UCP3: variants seen among roughly 807,000 people sequenced by gnomAD.
UCP3 encodes uncoupling protein 3.
UCP3 carries 24 observed loss-of-function variants against 28.1 expected under a neutral mutation model. That is an observed-to-expected ratio of 0.85 (90% CI 0.62 to 1.20). UCP3 has a LOEUF of 1.20. UCP3 is among the 50% of genes most tolerant of loss of function. The pLI, the probability that UCP3 is intolerant of heterozygous loss-of-function variation, is 0.00. For synonymous variants in UCP3, 184 were observed against 171.2 expected, an observed-to-expected ratio of 1.07 and a Z score of -0.59; for missense variants, 397 against 422.2, an observed-to-expected ratio of 0.94 and a Z score of 0.52.
chr11:74,003,883 G>C lies in UCP3; in HGVS notation c.768C>G (p.Pro256=). Residue 256 remains proline, a synonymous_variant, in exon 6 of 7, where the codon CCC becomes CCG. Coordinates refer to ENST00000314032, the MANE Select transcript of UCP3 (RefSeq NM_003356.4). ...CCACCATCTTTATCATACAGTCGAG[G>C]GGGCTGAAGTACTGGCCTGGAGGTG... ...MNSPPGQYFS[P]LDCMIKMVAQ... 1 of 1,614,148 alleles carries C rather than the reference G, an allele frequency of 6.2e-7. No individual in the cohort carries two copies. Among genetic ancestry groups the C allele is most frequent in the South Asian group, 1.1e-5 (1 of 91,082 alleles).
chr11:74,005,821 G>A lies in UCP3; in HGVS notation c.450C>T (p.Leu150=), dbSNP rs745517663. 40 of 1,614,038 alleles carry A rather than the reference G, an allele frequency of 2.5e-5. No individual in the cohort carries two copies. In the Admixed American group the frequency reaches 2.8e-4, roughly 11 times the overall value. The change falls in exon 4 of 7, where the codon CTC becomes CTT. Residue 150 remains leucine, a synonymous_variant. Coordinates refer to ENST00000314032, the MANE Select transcript of UCP3 (RefSeq NM_003356.4). ...ATTTTCTGTCGCTCCTGGATGGCCC[G>A]AGGTGTATGCTGGCCTGAAATCGGA... ...VKVRFQASIH[L]GPSRSDRKYS...
At chr11:74,003,493 ACAG>A in intron 6 of UCP3, 1 of 1,032,448 alleles carries the variant, frequency 9.7e-7, no homozygotes, top group South Asian at 4.2e-5. Flanking sequence ...GCGTGTGGAG[ACAG>A]TGAGGAAGGC....
chr11:74,007,233 G>T, intron 1 of UCP3, 96 bp from the exon 2 acceptor site: 1 of 699,762 alleles, frequency 1.4e-6, no homozygotes, highest in Non-Finnish European at 2.3e-6. Flanking sequence ...AAAGGGAGAA[G>T]CCTGGGTGGT....
chr11:74,006,490 A>C, intron 2 of UCP3, 111 bp from the exon 3 acceptor site: 1 of 1,094,152 alleles, frequency 9.1e-7, no homozygotes, highest in Non-Finnish European at 1.3e-6. Context: ...GAGAACAACC[A>C]TGCTGGTCAC....
At position 74,006,750 on chromosome 11, in the gene UCP3, C is replaced by T. The variant is rs527415388; in HGVS notation, c.126+167G>A. On this transcript the variant is annotated intron_variant, in intron 2 of 6. Transcript: ENST00000314032. ...ATGCAAAGAATTTAGATTTTTTTGTCCTGGTGGATGGTGATGGGAGGAGGC... is the reference window on the plus strand; with the variant it reads ...ATGCAAAGAATTTAGATTTTTTTGTTCTGGTGGATGGTGATGGGAGGAGGC... Among the ~76,000 whole-genome samples the T allele has an allele frequency of 5.5e-4, 83 of 152,142 alleles. No homozygotes were observed. In the South Asian group the frequency reaches 0.012, roughly 22 times the overall value.
chr11:74,006,279 C>G lies in UCP3; in HGVS notation c.227G>C (p.Ser76Thr). ...GCCGGCCACCAGCCCATTGTAGGGG[C>G]TGCAGGGACCCTCAGTCCGCACCAT... is the stretch of plus-strand genomic sequence containing the variant. ...LTMVRTEGPC[S>T]PYNGLVAGLQ... Residue 76 changes from serine to threonine, a missense_variant, in exon 3 of 7, where the codon AGC (serine) becomes ACC (threonine). Coordinates refer to ENST00000314032, the MANE Select transcript of UCP3 (RefSeq NM_003356.4). 1 of 1,613,280 alleles carries G rather than the reference C, an allele frequency of 6.2e-7. No individual in the cohort carries two copies. Among genetic ancestry groups the G allele is most frequent in the Non-Finnish European group, 8.5e-7 (1 of 1,179,950 alleles).
At chr11:74,003,328 T>C (rs1000070968) in intron 6 of UCP3, 1 of 302,700 alleles carries the variant, frequency 3.3e-6, no homozygotes. Flanking sequence ...TCAAATGGCA[T>C]TGCAGAAGTT....
chr11:74,001,318 G>T lies in UCP3; in HGVS notation c.*94C>A, dbSNP rs766259985. 1 of 1,128,238 alleles carries T rather than the reference G, an allele frequency of 8.9e-7. No individual in the cohort carries two copies. Among genetic ancestry groups the T allele is most frequent in the South Asian group, 1.3e-5 (1 of 76,726 alleles). The allele number at this position is 1,128,238 out of a possible 1,614,324, so 69.9% of individuals were successfully genotyped here. A position where few individuals can be genotyped will look rare whatever the true frequency, so the allele number is the denominator to read the frequency against. On this transcript the variant is annotated 3_prime_UTR_variant, in exon 7 of 7. Transcript: ENST00000314032. Reference sequence around the variant, plus strand: ...GTAAACAACAGTTCTGTAAACATGTGTGGGTCTGTGTCCATGTGTGCGTGG... The same window carrying T: ...GTAAACAACAGTTCTGTAAACATGTTTGGGTCTGTGTCCATGTGTGCGTGG...
At chr11:74,005,149 A>G (rs1951652333) in intron 4 of UCP3, among the ~76,000 whole-genome samples, 1 of 152,136 alleles carries the variant, frequency 6.6e-6, no homozygotes, top group Admixed American at 6.5e-5. Flanking sequence ...TCACATGCGG[A>G]GAGAGTCCTG....
chr11:74,004,137 C>T, intron 5 of UCP3, 130 bp from the exon 6 acceptor site: 1 of 1,469,306 alleles, frequency 6.8e-7, no homozygotes, highest in Non-Finnish European at 9.2e-7. Flanking sequence ...TCTCACAGTG[C>T]CCTGGGCTAA....
Position 74,005,743 on chromosome 11 carries a change from CCT to C in UCP3, c.526_527del (p.Arg176GlyfsTer20), listed in dbSNP as rs769029996. ...GTCCAGACCTACCTTTCCACAGGCC[CCT>C]GACTCCTTCCTCCCTGGCGATGGTT... is the stretch of plus-strand genomic sequence containing the variant. ...YRTIAREEGV[R>X]GLWKGTLPNI... On this transcript the variant is annotated frameshift_variant, in exon 4 of 7. Transcript: ENST00000314032. LOFTEE classifies it high-confidence loss of function. 23 of 1,614,068 alleles carry C rather than the reference CCT, an allele frequency of 1.4e-5. No individual in the cohort carries two copies. The highest frequency in any genetic ancestry group is 1.6e-4 in the Middle Eastern group (1 of 6,084).
chr11:74,003,996 A>G lies in UCP3; in HGVS notation c.655T>C (p.Cys219Arg). ...DYHLLTDNFPCHFVSAFGAGF... is the reference protein window; with the variant it reads ...DYHLLTDNFPRHFVSAFGAGF... Reference sequence around the variant, plus strand: ...GCTCCAAAGGCAGAGACAAAGTGGCAGGGGAAGTTGTCTGCAGAGGAAGGA... The same window carrying G: ...GCTCCAAAGGCAGAGACAAAGTGGCGGGGGAAGTTGTCTGCAGAGGAAGGA... The change falls in exon 6 of 7, where the codon TGC becomes CGC. Residue 219 changes from cysteine (C) to arginine (R), a missense_variant. Coordinates refer to ENST00000314032, the MANE Select transcript of UCP3 (RefSeq NM_003356.4). The G allele has an allele frequency of 6.2e-7, 1 of 1,613,992 alleles. No individual in the cohort carries two copies. Among genetic ancestry groups the G allele is most frequent in the Non-Finnish European group, 8.5e-7 (1 of 1,180,026 alleles).
chr11:74,006,045 C>T (rs1271142857), intron 3 of UCP3, 112 bp from the exon 4 acceptor site: 1 of 1,558,872 alleles, frequency 6.4e-7, no homozygotes. Context: ...TCAGAGCCTC[C>T]TCATAAGCGT....
In UCP3 at chr11:74,004,517, TG is replaced by T; in HGVS notation, c.609del (p.Lys204ArgfsTer38). ...AGGTGGTAGTCCAGCAGCTTCTCCT[TG>T]AGGATGTCGTAGGTCACCACCTCAG... is the stretch of plus-strand genomic sequence containing the variant. ...NCAEVVTYDI[L>X]KEKLLDYHLL... On this transcript the variant is annotated frameshift_variant, in exon 5 of 7. Coordinates refer to ENST00000314032, the MANE Select transcript of UCP3 (RefSeq NM_003356.4). LOFTEE classifies it high-confidence loss of function. The T allele has an allele frequency of 1.9e-6, 3 of 1,614,106 alleles. No individual in the cohort carries two copies. The highest frequency in any genetic ancestry group is 8.5e-7 in the Non-Finnish European group (1 of 1,179,994).
intron 4 of UCP3, among the ~76,000 whole-genome samples, 183 bp from the exon 5 acceptor site, chr11:74,004,768 G>C (rs1951648566): frequency 1.3e-5 from 2 of 152,200 alleles, no homozygotes; most frequent in Non-Finnish European, 2.9e-5. Flanking sequence ...TTCCTTTCTA[G>C]GGTTAACAAC....
rs759451645 is a variant in UCP3 at position 74,004,535 on chromosome 11, C to T, written c.592G>A (p.Val198Met). Residue 198 changes from valine (V) to methionine (M), a missense_variant, in exon 5 of 7, where the codon GTG becomes ATG. Val to Met is a conservative substitution (Grantham distance 21). Coordinates refer to ENST00000314032, the MANE Select transcript of UCP3 (RefSeq NM_003356.4). ...RNAIVNCAEV[V>M]TYDILKEKLL... The stretch of plus-strand genomic sequence containing the variant: ...TTCTCCTTGAGGATGTCGTAGGTCA[C>T]CACCTCAGCACAGTTGACGATAGCA... 2 of 1,614,100 alleles carry T rather than the reference C, an allele frequency of 1.2e-6. No individual in the cohort carries two copies. The highest frequency in any genetic ancestry group is 1.1e-5 in the South Asian group (1 of 91,058).
rs754444951 is a variant in UCP3, at chr11:74,004,575, G to C, written c.552C>G (p.Pro184=). The change falls in exon 5 of 7, where the codon CCC becomes CCG. Residue 184 remains proline (P), a synonymous_variant. Transcript: ENST00000314032. ...TGACGATAGCATTCCTCATGATGTTGGGCAAAGTTCCTGTTAGGAAGGCGG... is the reference window on the plus strand; with the variant it reads ...TGACGATAGCATTCCTCATGATGTTCGGCAAAGTTCCTGTTAGGAAGGCGG... ...GVRGLWKGTL[P]NIMRNAIVNC... The C allele has an allele frequency of 5.0e-6, 8 of 1,613,658 alleles. No homozygotes were observed. The highest frequency in any genetic ancestry group is 6.8e-6 in the Non-Finnish European group (8 of 1,179,650).
In UCP3 at chr11:74,006,387, A is replaced by C; in HGVS notation, c.127-8T>G. On this transcript the variant is annotated splice_polypyrimidine_tract_variant and splice_region_variant and intron_variant, in intron 2 of 6. Coordinates refer to ENST00000314032, the MANE Select transcript of UCP3 (RefSeq NM_003356.4). ...CTGGTTCTCCCCCTGGATCTGAGGGACAATAGCAGGGGGTGAGGACTCAGA... is the reference window on the plus strand; with the variant it reads ...CTGGTTCTCCCCCTGGATCTGAGGGCCAATAGCAGGGGGTGAGGACTCAGA... 5.2e-6 allele frequency: 8 copies of C among 1,550,024 alleles called. No individual in the cohort carries two copies. The highest frequency in any genetic ancestry group is 6.9e-6 in the Non-Finnish European group (8 of 1,152,330).
chr11:74,001,933 C>A (rs1951624852), intron 6 of UCP3: 1 of 275,220 alleles, frequency 3.6e-6, no homozygotes, highest in Non-Finnish European at 7.0e-6. Flanking sequence ...CTCAGTTACA[C>A]CCCGGGTGGC....
Sources: allele counts gnomAD v4.1 joint callset (sites outside exome capture counted in the v4.1 genomes callset), GRCh38; gene constraint gnomAD v4.1.1; transcripts MANE v1.5; gene names NCBI Gene and HGNC (gene_info 2026-07-23, HGNC 2026-07-21).